CFHR4: variants seen among roughly 807,000 people sequenced by gnomAD.
The protein encoded by CFHR4 is complement factor H related 4.
CFHR4 carries 64 observed loss-of-function variants against 69.3 expected under a neutral mutation model. That is an observed-to-expected ratio of 0.92 (90% confidence interval 0.76 to 1.14). The LOEUF is 1.14. Ranked by LOEUF, CFHR4 falls within the 50% of genes most tolerant of loss-of-function variation. The pLI, the probability that CFHR4 is intolerant of heterozygous loss-of-function variation, is 0.00. For missense variants in CFHR4, 636 were observed against 684.9 expected (o/e 0.93, Z 0.80); for synonymous variants, 244 against 237.0 (o/e 1.03, Z -0.27).
At chr1:196,892,802 G>A (rs1003028977) in intron 1 of CFHR4, among the ~76,000 whole-genome samples, 1 of 151,298 alleles carries the variant, frequency 6.6e-6, no homozygotes, top group Admixed American at 6.6e-5. Context: ...CATTCATGAA[G>A]CATTCAAGTC....
At position 196,897,863 on chromosome 1, in the gene CFHR4, C is replaced by T. The variant is rs113051964; in HGVS notation, c.59-4555C>T. Among the ~76,000 whole-genome samples the T allele has an allele frequency of 4.3e-3, 648 of 151,334 alleles. 17 individuals are homozygous for T. The highest frequency in any genetic ancestry group is 0.015 in the African/African-American group (629 of 41,014). ...GTCCTCATTTAGGGTCGGGGTGGGG[C>T]CTTTGACAGGGAATCGCCCTCTTCT... On this transcript the variant is annotated intron_variant, in intron 1 of 9. Coordinates refer to ENST00000608469, the MANE Select transcript of CFHR4 (RefSeq NM_001201550.3).
Position 196,905,289 on chromosome 1 carries a change from T to G in CFHR4, c.438T>G (p.Ile146Met). The G allele has an allele frequency of 1.2e-6, 2 of 1,611,048 alleles. No individual in the cohort carries two copies. The highest frequency in any genetic ancestry group is 8.5e-7 in the Non-Finnish European group (1 of 1,178,558). Residue 146 changes from isoleucine (I) to methionine (M), a missense_variant and splice_region_variant, in exon 3 of 10, where the codon ATT (isoleucine) becomes ATG (methionine). By Grantham distance (10) the Ile-to-Met change is conservative. Transcript: ENST00000608469. ...GATGGTCAACACAACCAATTTGCAT[T>G]AGTAAGTTATTTACATATTCCCACT... Reference protein sequence around the residue: ...QNGWSTQPICIKFCDMPVFEN... With the variant: ...QNGWSTQPICMKFCDMPVFEN...
chr1:196,907,905 T>A (rs1405719733), intron 5 of CFHR4, among the ~76,000 whole-genome samples: 2 of 151,250 alleles, frequency 1.3e-5, no homozygotes, highest in Admixed American at 6.6e-5. Flanking sequence ...CCAACCCAAA[T>A]GTCCAGACCC....
intron 1 of CFHR4, among the ~76,000 whole-genome samples, chr1:196,891,859 T>C (rs1430206545): frequency 4.0e-5 from 6 of 151,306 alleles, no homozygotes; most frequent in African/African-American, 1.2e-4. Flanking sequence ...TGTGGACCTA[T>C]ATTTTTATAT....
At position 196,917,053 on chromosome 1, in the gene CFHR4, G is replaced by A. The variant is rs536276843; in HGVS notation, c.1541-1157G>A. Among the ~76,000 whole-genome samples the A allele has an allele frequency of 2.8e-3, 419 of 151,630 alleles. 2 individuals are homozygous for A. Among genetic ancestry groups the A allele is most frequent in the African/African-American group, 9.5e-3 (391 of 41,190 alleles). On this transcript the variant is annotated intron_variant, in intron 9 of 9. Coordinates refer to ENST00000608469, the MANE Select transcript of CFHR4 (RefSeq NM_001201550.3). ...AATATTTATTTTTGAATTGTAAACAGCCTCTGAATGTATTGAAGAGCTCTT... is the reference window on the plus strand; with the variant it reads ...AATATTTATTTTTGAATTGTAAACAACCTCTGAATGTATTGAAGAGCTCTT...
chr1:196,900,444 T>G (rs1259576249), intron 1 of CFHR4, among the ~76,000 whole-genome samples: 1 of 151,082 alleles, frequency 6.6e-6, no homozygotes, highest in East Asian at 1.9e-4. Context: ...TAATGATAGC[T>G]ACTTTTAATT....
intron 1 of CFHR4, among the ~76,000 whole-genome samples, chr1:196,895,932 A>G (rs1657271923): frequency 6.6e-6 from 1 of 150,724 alleles, no homozygotes; most frequent in Non-Finnish European, 1.5e-5. Flanking sequence ...GTTTTCATTT[A>G]TTGTTTTTGT....
At position 196,888,098 on chromosome 1, in the gene CFHR4, C is replaced by A. The variant is rs1285254922; in HGVS notation, c.-53C>A. 1.9e-6 allele frequency: 3 copies of A among 1,572,198 alleles called. No individual in the cohort carries two copies. Among genetic ancestry groups the A allele is most frequent in the African/African-American group, 1.4e-5 (1 of 72,702 alleles). ...AACTAATAATGAAAGATTTCAAACCCCAAACAGTGCAACTGAAACTTTTGC... is the reference window on the plus strand; with the variant it reads ...AACTAATAATGAAAGATTTCAAACCACAAACAGTGCAACTGAAACTTTTGC... On this transcript the variant is annotated 5_prime_UTR_variant, in exon 1 of 10. Coordinates refer to ENST00000608469, the MANE Select transcript of CFHR4 (RefSeq NM_001201550.3).
At chr1:196,911,999 T>C (rs1022701857) in intron 6 of CFHR4, among the ~76,000 whole-genome samples, 2 of 151,338 alleles carry the variant, frequency 1.3e-5, no homozygotes, top group Admixed American at 6.6e-5. Flanking sequence ...TCCATTTACA[T>C]TTGTTTTCTA....
chr1:196,914,780 C>A (rs1658495184), intron 8 of CFHR4, 109 bp downstream of exon 8: 3 of 1,414,978 alleles, frequency 2.1e-6, no homozygotes, highest in South Asian at 1.5e-5. Flanking sequence ...TATATGTAGT[C>A]CTCCTATGAG....
chr1:196,888,802 C>G (rs1370727583), intron 1 of CFHR4, among the ~76,000 whole-genome samples: 1 of 151,332 alleles, frequency 6.6e-6, no homozygotes, highest in Non-Finnish European at 1.5e-5. Context: ...ACTTAACTTA[C>G]ATTGGAATGA....
intron 3 of CFHR4, among the ~76,000 whole-genome samples, chr1:196,906,003 C>G (rs1436669358): frequency 6.6e-6 from 1 of 151,220 alleles, no homozygotes; most frequent in East Asian, 1.9e-4. Flanking sequence ...TTTGTCTTTC[C>G]TCTTTAGGCA....
At chr1:196,889,877 A>T (rs1039667437) in intron 1 of CFHR4, among the ~76,000 whole-genome samples, 15 of 151,500 alleles carry the variant, frequency 9.9e-5, no homozygotes, top group African/African-American at 3.7e-4. Context: ...GACACACCAT[A>T]TAGAGAAAGA....
chr1:196,893,049 A>G (rs1054438570), intron 1 of CFHR4, among the ~76,000 whole-genome samples: 2 of 151,594 alleles, frequency 1.3e-5, no homozygotes, highest in African/African-American at 4.9e-5. Context: ...TTTCAGTGTC[A>G]ACAAATTAAT....
intron 2 of CFHR4, among the ~76,000 whole-genome samples, chr1:196,904,432 T>G (rs1210042899): frequency 6.6e-6 from 1 of 151,536 alleles, no homozygotes; most frequent in Non-Finnish European, 1.5e-5. Context: ...TACACATTAT[T>G]AATAAGTTAG....
intron 2 of CFHR4, among the ~76,000 whole-genome samples, chr1:196,904,465 TTAC>T (rs1657800017): frequency 6.6e-6 from 1 of 151,490 alleles, no homozygotes; most frequent in Admixed American, 6.6e-5. Context: ...ACTAAAATAA[TTAC>T]TACCTTATAC....
At chr1:196,909,454 G>T (rs1209963637) in intron 5 of CFHR4, among the ~76,000 whole-genome samples, 1 of 151,530 alleles carries the variant, frequency 6.6e-6, no homozygotes, top group East Asian at 1.9e-4. Context: ...AGTATGTAGT[G>T]CTCAAATAAT....
intron 5 of CFHR4, 84 bp from the exon 6 acceptor site, chr1:196,910,197 T>A: frequency 8.3e-6 from 6 of 720,696 alleles, no homozygotes; most frequent in Non-Finnish European, 1.0e-5. Flanking sequence ...ATTTGGAAGG[T>A]AACATAATCA....
rs114425072 is a variant in CFHR4, at chr1:196,895,823, A to T, written c.59-6595A>T. Among the ~76,000 whole-genome samples the T allele has an allele frequency of 4.3e-3, 652 of 151,378 alleles. 26 individuals are homozygous for T. Among genetic ancestry groups the T allele is most frequent in the African/African-American group, 0.015 (635 of 41,096 alleles). On this transcript the variant is annotated intron_variant, in intron 1 of 9. Transcript: ENST00000608469. ...CTTTCCTATTTCTTTGTATGACATA[A>T]TTTTTTTGTTGAAAACTGAACATTT... is the stretch of plus-strand genomic sequence containing the variant.
Sources: allele counts gnomAD v4.1 joint callset (sites outside exome capture counted in the v4.1 genomes callset), GRCh38; gene constraint gnomAD v4.1.1; transcripts MANE v1.5; gene names NCBI Gene and HGNC (gene_info 2026-07-23, HGNC 2026-07-21).